Variants in GPHN observed in about 807,000 individuals in gnomAD.
GPHN encodes the protein gephyrin.
GPHN carries 17 observed loss-of-function variants against 95.5 expected under a neutral mutation model. That is an observed-to-expected ratio of 0.18 (90% CI 0.12 to 0.27). The LOEUF (loss-of-function observed/expected upper bound fraction) is 0.27, where lower values mean the gene tolerates loss of function less well. Ranked by LOEUF, GPHN falls within the 10% of genes least tolerant of loss-of-function variation. The probability of loss-of-function intolerance (pLI) is 1.00; values close to 1 mark genes in which losing one functional copy is unlikely to be tolerated. For missense variants in GPHN, 660 were observed against 978.1 expected (o/e 0.67, Z 4.34); for synonymous variants, 320 against 322.5 (o/e 0.99, Z 0.08).
chr14:66,758,595 G>T (rs1164230709), intron 2 of GPHN, among the ~76,000 whole-genome samples: 2 of 152,068 alleles, frequency 1.3e-5, no homozygotes, highest in Non-Finnish European at 2.9e-5. Context: ...AAAAAAGGGG[G>T]TAAGGACAGC....
the GPHN span, chr14:67,412,151 C>T: frequency 1.6e-5 from 19 of 1,172,604 alleles, no homozygotes; most frequent in Non-Finnish European, 2.0e-5. Flanking sequence ...TCCGCGCCCA[C>T]GGCGCCCAGG....
chr14:67,307,313 A>G, the GPHN span, among the ~76,000 whole-genome samples: 1 of 152,308 alleles, frequency 6.6e-6, no homozygotes, highest in Non-Finnish European at 1.5e-5. Context: ...ATACTATAAT[A>G]ATATGTAGGG....
chr14:66,602,735 A>G (rs2062314817), intron 1 of GPHN, among the ~76,000 whole-genome samples: 1 of 151,904 alleles, frequency 6.6e-6, no homozygotes, highest in Non-Finnish European at 1.5e-5. Context: ...AATTTCTACC[A>G]AACTAAAGAA....
intron 21 of GPHN, 70 bp from the exon 22 acceptor site, chr14:67,179,508 C>G: frequency 1.2e-6 from 1 of 864,986 alleles, no homozygotes; most frequent in Non-Finnish European, 2.0e-6. Flanking sequence ...TTGCACAACC[C>G]CTACTATCTT....
chr14:67,160,313 TTGA>T (rs1449017737), intron 19 of GPHN, among the ~76,000 whole-genome samples: 2 of 152,212 alleles, frequency 1.3e-5, no homozygotes, highest in African/African-American at 4.8e-5. Flanking sequence ...ATATAAAGGC[TTGA>T]TTAAATTCAG....
intron 3 of GPHN, among the ~76,000 whole-genome samples, chr14:66,779,527 G>A (rs1391857060): frequency 1.3e-5 from 2 of 151,960 alleles, no homozygotes; most frequent in Non-Finnish European, 2.9e-5. Context: ...TATTATAAAG[G>A]CACCCTGTCT....
chr14:67,656,782 T>C, the GPHN span, among the ~76,000 whole-genome samples: 5 of 152,270 alleles, frequency 3.3e-5, no homozygotes, highest in African/African-American at 4.8e-5. Context: ...ATCCAATCAA[T>C]AGGATCACAA....
chr14:66,882,756 G>T (rs2063989361), intron 5 of GPHN, among the ~76,000 whole-genome samples: 1 of 150,892 alleles, frequency 6.6e-6, no homozygotes, highest in Admixed American at 6.6e-5. Context: ...CCTTTTCGTA[G>T]CTTTTCTTCA....
chr14:67,264,959 A>T, the GPHN span, among the ~76,000 whole-genome samples: 1 of 152,170 alleles, frequency 6.6e-6, no homozygotes. Flanking sequence ...CCATGAGGGC[A>T]GATGATTTAT....
the GPHN span, among the ~76,000 whole-genome samples, chr14:67,284,562 A>C: frequency 4.9e-4 from 51 of 103,624 alleles, no homozygotes; most frequent in South Asian, 3.1e-3. Context: ...AAAAAAAAAA[A>C]AAAAAAAAAA....
chr14:67,469,794 A>G, the GPHN span, among the ~76,000 whole-genome samples: 1 of 152,160 alleles, frequency 6.6e-6, no homozygotes, highest in African/African-American at 2.4e-5. Context: ...TTTTCGAAGC[A>G]TGACTTTCAG....
chr14:67,387,088 G>A, the GPHN span: 19 of 338,022 alleles, frequency 5.6e-5, no homozygotes, highest in Non-Finnish European at 5.3e-6. Flanking sequence ...TGTGATGCTG[G>A]GGAAAAGTCA....
intron 12 of GPHN, 95 bp downstream of exon 12, chr14:67,089,170 CT>C: frequency 2.0e-6 from 1 of 501,558 alleles, no homozygotes; most frequent in Non-Finnish European, 3.5e-6. Flanking sequence ...AAATTTTTGG[CT>C]TAGCCCAAGC....
chr14:67,728,347 G>C, the GPHN span: 1 of 152,220 alleles, frequency 6.6e-6, no homozygotes, highest in Non-Finnish European at 1.5e-5. Flanking sequence ...CTGTGAGGTG[G>C]GTGCTATTAT....
At chr14:67,280,096 G>C in the GPHN span, 1 of 152,260 alleles carries the variant, frequency 6.6e-6, no homozygotes, top group South Asian at 2.1e-4. Flanking sequence ...CGAACCAAAA[G>C]AATTCTGTGA....
At chr14:67,335,180 A>G in the GPHN span, 2 of 152,234 alleles carry the variant, frequency 1.3e-5, no homozygotes, top group Non-Finnish European at 1.5e-5. Context: ...CTCATCAGCA[A>G]TGGTAGATAG....
intron 3 of GPHN, among the ~76,000 whole-genome samples, chr14:66,803,896 T>C (rs1418742767): frequency 6.6e-6 from 1 of 152,182 alleles, no homozygotes; most frequent in Non-Finnish European, 1.5e-5. Context: ...GGTGATATTC[T>C]GTACCATTTC....
At chr14:67,696,154 A>T in the GPHN span, among the ~76,000 whole-genome samples, 121 of 152,270 alleles carry the variant, frequency 7.9e-4, 2 homozygotes, top group African/African-American at 2.6e-3. Context: ...TCTGGAAAAA[A>T]AAAAGTATAC....
chr14:67,519,016 G>A, the GPHN span, among the ~76,000 whole-genome samples: 1 of 152,196 alleles, frequency 6.6e-6, no homozygotes, highest in Non-Finnish European at 1.5e-5. Flanking sequence ...GAATTATTTG[G>A]ATCAGCTTTA....
Sources: allele counts gnomAD v4.1 joint callset (sites outside exome capture counted in the v4.1 genomes callset), GRCh38; gene constraint gnomAD v4.1.1; transcripts MANE v1.5; gene names NCBI Gene and HGNC (gene_info 2026-07-23, HGNC 2026-07-21).